CADPS2: variants seen among roughly 807,000 people sequenced by gnomAD.
The protein encoded by CADPS2 is calcium dependent secretion activator 2, also known as calcium-dependent secretion activator 2.
Under a neutral mutation model 172.5 loss-of-function variants are expected in CADPS2, and 93 were observed. That is an observed-to-expected ratio of 0.54 (90% confidence interval 0.46 to 0.64). The LOEUF is 0.64. Among genes scored for constraint, CADPS2 ranks in the 30% least tolerant of loss-of-function variants. The pLI is 0.00. For missense variants in CADPS2, 1,420 were observed against 1,565.9 expected, an observed-to-expected ratio of 0.91 and a Z score of 1.57; for synonymous variants, 546 against 555.2, an observed-to-expected ratio of 0.98 and a Z score of 0.23.
chr7:122,753,880 A>T (rs1405720899), intron 1 of CADPS2, among the ~76,000 whole-genome samples: 2 of 152,098 alleles, frequency 1.3e-5, no homozygotes, highest in Non-Finnish European at 2.9e-5. Context: ...ACTGCAGGTC[A>T]CCAAAAACTT....
At position 122,393,250 on chromosome 7, in the gene CADPS2, G is replaced by A; in HGVS notation, c.2954C>T (p.Pro985Leu). The change falls in exon 22 of 30, where the codon CCA (proline) becomes CTA (leucine). Residue 985 changes from proline (P) to leucine (L), a missense_variant. Transcript: ENST00000449022. ...PKVPSLPLNL[P>L]QIPNISTASW... ...AGCAGTAGAAATGTTAGGAATCTGTGGAAGATTAAGAGGCAGACTTGGAAC... is the reference window on the plus strand; with the variant it reads ...AGCAGTAGAAATGTTAGGAATCTGTAGAAGATTAAGAGGCAGACTTGGAAC... 1.2e-6 allele frequency: 2 copies of A among 1,613,820 alleles called. No individual in the cohort carries two copies. Among genetic ancestry groups the A allele is most frequent in the Non-Finnish European group, 1.7e-6 (2 of 1,179,792 alleles).
chr7:122,437,830 C>A, intron 17 of CADPS2, among the ~76,000 whole-genome samples: 1 of 151,236 alleles, frequency 6.6e-6, no homozygotes, highest in East Asian at 1.9e-4. Context: ...AAGCACAGTT[C>A]TCTCAAGAGA....
intron 1 of CADPS2, among the ~76,000 whole-genome samples, chr7:122,760,791 A>G (rs1227199969): frequency 1.4e-4 from 18 of 124,286 alleles, no homozygotes; most frequent in African/African-American, 5.7e-4. Flanking sequence ...GAAGGGGAAC[A>G]TCACACACTG....
At chr7:122,464,352 C>T (rs137872208) in intron 14 of CADPS2, among the ~76,000 whole-genome samples, 89 of 152,158 alleles carry the variant, frequency 5.8e-4, no homozygotes, top group Middle Eastern at 3.4e-3. Context: ...TGAATCTATA[C>T]GGATATAAAC....
At position 122,354,773 on chromosome 7, in the gene CADPS2, T is replaced by G. The variant is rs61707435; in HGVS notation, c.3504+6015A>C. Reference sequence around the variant, plus strand: ...GGTCTTGCTTTTTCTTTCTCACTCTTTTTTCAAATGTCTGTTGTCTTTGCC... The same window carrying G: ...GGTCTTGCTTTTTCTTTCTCACTCTGTTTTCAAATGTCTGTTGTCTTTGCC... On this transcript the variant is annotated intron_variant, in intron 27 of 29. Coordinates refer to ENST00000449022, the MANE Select transcript of CADPS2 (RefSeq NM_017954.11). 3.9e-3 allele frequency among the ~76,000 whole-genome samples: 597 copies of G among 152,290 alleles called. 6 individuals are homozygous for G. Among genetic ancestry groups the G allele is most frequent in the African/African-American group, 0.014 (578 of 41,552 alleles).
rs2070868331 is a variant in CADPS2, at chr7:122,591,903, A to AT, written c.1224-10614dup. On this transcript the variant is annotated intron_variant, in intron 6 of 29. Transcript: ENST00000449022. The stretch of plus-strand genomic sequence containing the variant: ...AAAACCCTAGAAGAAAACCTAGGAA[A>AT]TACCATTCAGGACATAGGCATGGAC... Among the ~76,000 whole-genome samples the AT allele has an allele frequency of 3.9e-5, 6 of 152,292 alleles. No individual in the cohort carries two copies. In the South Asian group the frequency reaches 1.2e-3, roughly 32 times the overall value.
At chr7:122,670,285 T>C (rs1413252847) in intron 2 of CADPS2, among the ~76,000 whole-genome samples, 10 of 152,212 alleles carry the variant, frequency 6.6e-5, no homozygotes, top group Admixed American at 2.6e-4. Flanking sequence ...ACTTCAAAAA[T>C]GTCTCAAAGA....
At chr7:122,513,000 A>C (rs928792696) in intron 9 of CADPS2, among the ~76,000 whole-genome samples, 11 of 152,186 alleles carry the variant, frequency 7.2e-5, no homozygotes, top group African/African-American at 2.7e-4. Context: ...CCTTCTATTA[A>C]GCCAGAGGGT....
intron 6 of CADPS2, among the ~76,000 whole-genome samples, chr7:122,587,405 G>A (rs1206638191): frequency 6.6e-6 from 1 of 152,014 alleles, no homozygotes; most frequent in Non-Finnish European, 1.5e-5. Context: ...TGAGGATAAT[G>A]GCTTCCAGCT....
chr7:122,467,346 T>G (rs541271273), intron 14 of CADPS2, among the ~76,000 whole-genome samples: 6 of 152,262 alleles, frequency 3.9e-5, no homozygotes, highest in Admixed American at 3.3e-4. Flanking sequence ...ATCTACGTTG[T>G]TTCTCAAAAA....
intron 27 of CADPS2, among the ~76,000 whole-genome samples, chr7:122,352,931 G>C (rs559558733): frequency 2.0e-5 from 3 of 152,206 alleles, no homozygotes; most frequent in Non-Finnish European, 4.4e-5. Flanking sequence ...CTTAAGTAGT[G>C]AGCAGGAACT....
At chr7:122,403,736 T>TGA (rs1468115825) in intron 20 of CADPS2, among the ~76,000 whole-genome samples, 1 of 151,572 alleles carries the variant, frequency 6.6e-6, no homozygotes, top group Non-Finnish European at 1.5e-5. Flanking sequence ...TTGGAATTAA[T>TGA]GATATTCCAT....
rs3069351 is a variant in CADPS2, at chr7:122,526,179, CTTATTTAT to C, written c.1476-12872_1476-12865del. 4.2e-3 allele frequency among the ~76,000 whole-genome samples: 622 copies of C among 149,832 alleles called. 6 individuals carry two copies. The highest frequency in any genetic ancestry group is 0.013 in the African/African-American group (538 of 40,578). On this transcript the variant is annotated intron_variant, in intron 8 of 29. Transcript: ENST00000449022. ...CACTGTGTTGATATCCTTTGATACA[CTTATTTAT>C]TTATTTATTTATTTATTTATTTGAG...
intron 7 of CADPS2, among the ~76,000 whole-genome samples, chr7:122,571,812 T>A (rs183028948): frequency 4.4e-4 from 67 of 152,290 alleles, no homozygotes; most frequent in African/African-American, 1.5e-3. Context: ...ACCACGGAAT[T>A]AAAATTTTTT....
At chr7:122,724,745 T>C (rs2137246206) in intron 2 of CADPS2, among the ~76,000 whole-genome samples, 1 of 152,068 alleles carries the variant, frequency 6.6e-6, no homozygotes, top group East Asian at 1.9e-4. Context: ...CACCTTTTTT[T>C]TTCCCATGTG....
chr7:122,574,621 C>A (rs1017090646), intron 7 of CADPS2, among the ~76,000 whole-genome samples: 1 of 150,306 alleles, frequency 6.7e-6, no homozygotes, highest in Non-Finnish European at 1.5e-5. Context: ...AAGCAAAGAC[C>A]AATAGGTACA....
chr7:122,497,566 A>G (rs2058841888), intron 9 of CADPS2, among the ~76,000 whole-genome samples: 2 of 152,226 alleles, frequency 1.3e-5, no homozygotes, highest in South Asian at 2.1e-4. Context: ...AGTCCTCATT[A>G]TATTAGTTCT....
intron 25 of CADPS2, among the ~76,000 whole-genome samples, chr7:122,375,116 C>A (rs1563181406): frequency 6.6e-6 from 1 of 152,122 alleles, no homozygotes; most frequent in East Asian, 1.9e-4. Context: ...AATGTCCATA[C>A]TACTTAAAGT....
intron 2 of CADPS2, among the ~76,000 whole-genome samples, chr7:122,722,362 A>G (rs531280795): frequency 1.2e-4 from 19 of 152,042 alleles, no homozygotes; most frequent in African/African-American, 4.6e-4. Context: ...TACAAAATCA[A>G]TGTGCAAAAA....
Sources: gnomAD v4.1 joint callset for allele counts (sites outside exome capture counted in the v4.1 genomes callset) on GRCh38, gnomAD v4.1.1 for gene constraint, MANE v1.5 for transcripts, NCBI Gene and HGNC (gene_info 2026-07-23, HGNC 2026-07-21) for gene names.